AMBRA1: variants seen among roughly 807,000 people sequenced by gnomAD.
AMBRA1 encodes activating molecule in BECN1-regulated autophagy protein 1.
A neutral mutation model predicts 125.4 loss-of-function variants in AMBRA1; 47 were observed. That is an observed-to-expected ratio of 0.37 (90% CI 0.30 to 0.48). AMBRA1 has a LOEUF of 0.48. Among genes scored for constraint, AMBRA1 ranks in the 20% least tolerant of loss-of-function variants. AMBRA1 has a pLI of 0.99. For synonymous variants in AMBRA1, 626 were observed against 655.5 expected (o/e 0.95, Z 0.69); for missense variants, 1,331 against 1,693.4 (o/e 0.79, Z 3.76).
intron 11 of AMBRA1, among the ~76,000 whole-genome samples, chr11:46,448,107 G>C (rs1477201832): frequency 6.6e-6 from 1 of 152,202 alleles, no homozygotes; most frequent in Admixed American, 6.5e-5. Flanking sequence ...AGAGAGAGAA[G>C]TGTTTAATCT....
chr11:46,523,858 T>C (rs577367614), intron 7 of AMBRA1, among the ~76,000 whole-genome samples: 5 of 152,148 alleles, frequency 3.3e-5, no homozygotes, highest in Non-Finnish European at 5.9e-5. Context: ...TGAGATGTCA[T>C]AGTTTTATTC....
At chr11:46,407,856 T>C (rs1389399718) in intron 17 of AMBRA1, among the ~76,000 whole-genome samples, 2 of 151,504 alleles carry the variant, frequency 1.3e-5, no homozygotes, top group Non-Finnish European at 1.5e-5. Flanking sequence ...GGGCTGGAGG[T>C]AGGGGGTGAG....
chr11:46,458,036 C>G (rs1948929331), intron 11 of AMBRA1, among the ~76,000 whole-genome samples: 1 of 152,018 alleles, frequency 6.6e-6, no homozygotes, highest in African/African-American at 2.4e-5. Context: ...AAATCAGGAG[C>G]AAAAATAAGT....
At chr11:46,477,515 A>T (rs930154393) in intron 11 of AMBRA1, among the ~76,000 whole-genome samples, 2 of 151,670 alleles carry the variant, frequency 1.3e-5, no homozygotes, top group African/African-American at 2.4e-5. Context: ...AAAAAAAAAA[A>T]ACTTTTTGTA....
intron 14 of AMBRA1, among the ~76,000 whole-genome samples, chr11:46,425,178 A>G (rs901719340): frequency 2.0e-5 from 3 of 152,144 alleles, no homozygotes; most frequent in African/African-American, 7.2e-5. Flanking sequence ...TGGTTTCCAC[A>G]TCTCTGGGCA....
At chr11:46,453,181 G>A (rs1272768094) in intron 11 of AMBRA1, among the ~76,000 whole-genome samples, 2 of 152,016 alleles carry the variant, frequency 1.3e-5, no homozygotes, top group African/African-American at 4.8e-5. Context: ...TATGGTAGGT[G>A]GCCTTCTGTG....
At chr11:46,422,173 C>G (rs1366824351) in intron 14 of AMBRA1, among the ~76,000 whole-genome samples, 1 of 152,172 alleles carries the variant, frequency 6.6e-6, no homozygotes, top group Admixed American at 6.5e-5. Context: ...CAAAACCCAG[C>G]TGCTGATTCA....
chr11:46,452,025 T>C (rs1458167123), intron 11 of AMBRA1: 1 of 152,382 alleles, frequency 6.6e-6, no homozygotes, highest in African/African-American at 2.4e-5. Flanking sequence ...ATGAAATATC[T>C]AGATAGAGGT....
At chr11:46,573,935 G>A (rs945829306) in intron 1 of AMBRA1, among the ~76,000 whole-genome samples, 71 of 144,762 alleles carry the variant, frequency 4.9e-4, no homozygotes, top group Admixed American at 7.7e-4. Flanking sequence ...TTGTTCTTGC[G>A]ATAGTTTACT....
intron 7 of AMBRA1, among the ~76,000 whole-genome samples, chr11:46,522,877 T>C (rs1462157785): frequency 6.6e-6 from 1 of 152,296 alleles, no homozygotes; most frequent in East Asian, 1.9e-4. Flanking sequence ...CATTAAGAAG[T>C]GACAGGTCCT....
intron 11 of AMBRA1, among the ~76,000 whole-genome samples, chr11:46,482,470 T>G (rs1950108070): frequency 6.6e-6 from 1 of 152,202 alleles, no homozygotes; most frequent in African/African-American, 2.4e-5. Flanking sequence ...ACTAACTATA[T>G]CAATATGGTA....
At chr11:46,543,452 C>T in intron 6 of AMBRA1, 54 bp from the exon 7 acceptor site, 1 of 1,573,574 alleles carries the variant, frequency 6.4e-7, no homozygotes, top group Non-Finnish European at 8.6e-7. Flanking sequence ...TTAGGTAGAA[C>T]CTCCAAGTAA....
intron 11 of AMBRA1, among the ~76,000 whole-genome samples, chr11:46,454,214 A>G (rs1377677685): frequency 2.0e-5 from 3 of 152,028 alleles, no homozygotes; most frequent in East Asian, 3.9e-4. Context: ...TAATTTTTAG[A>G]GACGGGGTCT....
chr11:46,403,705 G>A (rs1590710934), intron 17 of AMBRA1, among the ~76,000 whole-genome samples: 1 of 152,134 alleles, frequency 6.6e-6, no homozygotes, highest in African/African-American at 2.4e-5. Flanking sequence ...AAGCTGACGC[G>A]TGCAAATACC....
intron 11 of AMBRA1, among the ~76,000 whole-genome samples, chr11:46,450,095 C>T (rs545849797): frequency 6.6e-6 from 1 of 151,100 alleles, no homozygotes; most frequent in Non-Finnish European, 1.5e-5. Flanking sequence ...CACACAAACA[C>T]CTACACATGG....
intron 7 of AMBRA1, among the ~76,000 whole-genome samples, chr11:46,514,702 T>G (rs1405889969): frequency 6.6e-6 from 1 of 152,084 alleles, no homozygotes; most frequent in Admixed American, 6.5e-5. Flanking sequence ...CTCAAACTCC[T>G]AGCCTCAAGT....
At chr11:46,470,325 A>T (rs1175177006) in intron 11 of AMBRA1, among the ~76,000 whole-genome samples, 2 of 152,120 alleles carry the variant, frequency 1.3e-5, no homozygotes, top group Admixed American at 6.5e-5. Flanking sequence ...GCGGTGGCTC[A>T]CGCCTATAAT....
intron 1 of AMBRA1, among the ~76,000 whole-genome samples, chr11:46,583,015 C>T (rs1200162596): frequency 6.6e-6 from 1 of 151,742 alleles, no homozygotes; most frequent in Non-Finnish European, 1.5e-5. Context: ...ATGCAACAAA[C>T]ATTTATCAAA....
intron 11 of AMBRA1, among the ~76,000 whole-genome samples, chr11:46,490,201 T>G (rs1950412451): frequency 6.6e-6 from 1 of 152,170 alleles, no homozygotes; most frequent in Admixed American, 6.5e-5. Context: ...CCCACAATTT[T>G]ACCTGGTAGA....
Sources: gnomAD v4.1 joint callset for allele counts (sites outside exome capture counted in the v4.1 genomes callset) on GRCh38, gnomAD v4.1.1 for gene constraint, MANE v1.5 for transcripts, NCBI Gene and HGNC (gene_info 2026-07-23, HGNC 2026-07-21) for gene names.